POLI: variants seen among roughly 807,000 people sequenced by gnomAD.
POLI encodes the protein RAD30 homolog B.
In POLI, 58 loss-of-function variants were observed where a neutral mutation model predicts 51.6. The observed-to-expected ratio is 1.12, with a 90% confidence interval of 0.91 to 1.40. The LOEUF is 1.40. POLI is among the 40% of genes most tolerant of loss of function. The pLI is 0.00. For missense variants in POLI, 921 were observed against 871.3 expected (o/e 1.06, Z -0.72); for synonymous variants, 322 against 299.7 (o/e 1.07, Z -0.77).
intron 6 of POLI, 199 bp from the exon 7 acceptor site, chr18:54,283,723 A>G: frequency 3.0e-6 from 1 of 336,864 alleles, no homozygotes; most frequent in Non-Finnish European, 5.5e-6. Context: ...ATACAGTAAT[A>G]TTTTATATTA....
In POLI at chr18:54,280,758, G is replaced by A; in HGVS notation, c.651G>A (p.Gly217=). Residue 217 remains glycine (G), a synonymous_variant, in exon 5 of 10, where the codon GGG becomes GGA. Transcript: ENST00000579534. The part of the protein sequence containing the change: ...EMREAMYNQL[G]LTGCAGVASN... The stretch of plus-strand genomic sequence containing the variant: ...GGGAAGCCATGTATAATCAGTTGGG[G>A]CTCACTGGCTGTGCTGGAGTGGCTT... 3 of 1,613,740 alleles carry A rather than the reference G, an allele frequency of 1.9e-6. No homozygotes were observed. The highest frequency in any genetic ancestry group is 2.5e-6 in the Non-Finnish European group (3 of 1,179,688).
Position 54,297,330 on chromosome 18 carries a change from T to A in POLI, c.*2863T>A. 1.0e-6 allele frequency: 1 copy of A among 978,150 alleles called. No individual in the cohort carries two copies. Among genetic ancestry groups the A allele is most frequent in the Non-Finnish European group, 1.2e-6 (1 of 823,956 alleles). 60.6% of individuals were successfully genotyped at this position (978,150 alleles called of 1,614,324 possible). A position where few individuals can be genotyped will look rare whatever the true frequency, so the allele number is the denominator to read the frequency against. Reference sequence around the variant, plus strand: ...CTGTTTCTGTCTTGAATGTAGAGGGTATTTTTATTTTTATTTTTTCTGTTT... The same window carrying A: ...CTGTTTCTGTCTTGAATGTAGAGGGAATTTTTATTTTTATTTTTTCTGTTT... On this transcript the variant is annotated 3_prime_UTR_variant, in exon 10 of 10. Coordinates refer to ENST00000579534, the MANE Select transcript of POLI (RefSeq NM_007195.3).
chr18:54,269,619 G>C lies in POLI; in HGVS notation c.73G>C (p.Ala25Pro). 6.6e-7 allele frequency: 1 copy of C among 1,511,648 alleles called. No homozygotes were observed. The highest frequency in any genetic ancestry group is 8.8e-7 in the Non-Finnish European group (1 of 1,132,670). The allele number at this position is 1,511,648 out of a possible 1,614,324, so 93.6% of individuals were successfully genotyped here. The change falls in exon 1 of 10, where the codon GCC becomes CCC. Residue 25 changes from alanine to proline, a missense_variant. Physicochemically the swap from Ala to Pro is conservative, Grantham distance 27. Transcript: ENST00000579534. ...CGACGAGGAAGACGCCGAGGCCTGG[G>C]CCATGGAACTGGCGGACGTGGGGGC... is the stretch of plus-strand genomic sequence containing the variant. ...DDDEEDAEAW[A>P]MELADVGAAA... is the part of the protein sequence containing the mutation.
chr18:54,276,982 A>G (rs2087272905), intron 3 of POLI, among the ~76,000 whole-genome samples: 1 of 152,234 alleles, frequency 6.6e-6, no homozygotes, highest in South Asian at 2.1e-4. Context: ...AACTTTCTCA[A>G]TGATTTTAAA....
At position 54,293,664 on chromosome 18, in the gene POLI, C is replaced by G. The variant is rs1201113809; in HGVS notation, c.1420C>G (p.His474Asp). The G allele has an allele frequency of 6.4e-7, 1 of 1,573,168 alleles. No individual in the cohort carries two copies. Among genetic ancestry groups the G allele is most frequent in the African/African-American group, 1.4e-5 (1 of 72,854 alleles). The change falls in exon 10 of 10, where the codon CAT (histidine) becomes GAT (aspartate). Residue 474 changes from histidine (H) to aspartate (D), a missense_variant. Coordinates refer to ENST00000579534, the MANE Select transcript of POLI (RefSeq NM_007195.3). ...GKHSFKMKDT[H>D]MEDFPKDKET... Reference sequence around the variant, plus strand: ...TGTGTTCTAGAAAATGAAAGACACTCATATGGAAGATTTTCCCAAAGACAA... The same window carrying G: ...TGTGTTCTAGAAAATGAAAGACACTGATATGGAAGATTTTCCCAAAGACAA...
In POLI at chr18:54,294,787, A is replaced by G; in HGVS notation, c.*320A>G. 1 of 989,794 alleles carries G rather than the reference A, an allele frequency of 1.0e-6. No homozygotes were observed. Among genetic ancestry groups the G allele is most frequent in the Non-Finnish European group, 1.2e-6 (1 of 830,386 alleles). 61.3% of individuals were successfully genotyped at this position (989,794 alleles called of 1,614,324 possible). Reference sequence around the variant, plus strand: ...ATGTTTATATATAAAAAATAGCCAAATCGTTGCAATGATATGGTAAAGGAC... The same window carrying G: ...ATGTTTATATATAAAAAATAGCCAAGTCGTTGCAATGATATGGTAAAGGAC... On this transcript the variant is annotated 3_prime_UTR_variant, in exon 10 of 10. Coordinates refer to ENST00000579534, the MANE Select transcript of POLI (RefSeq NM_007195.3).
At chr18:54,286,111 A>G (rs1363140525) in intron 7 of POLI, among the ~76,000 whole-genome samples, 2 of 152,114 alleles carry the variant, frequency 1.3e-5, no homozygotes, top group Non-Finnish European at 2.9e-5. Flanking sequence ...TGATCCTCCC[A>G]CCTCAACTTC....
intron 1 of POLI, chr18:54,270,483 G>A: frequency 6.6e-6 from 1 of 152,060 alleles, no homozygotes; most frequent in South Asian, 2.1e-4. Flanking sequence ...GGAACTTTAG[G>A]TTTACCTGAA....
At chr18:54,273,313 C>T (rs1323906636) in intron 2 of POLI, among the ~76,000 whole-genome samples, 1 of 150,162 alleles carries the variant, frequency 6.7e-6, no homozygotes, top group Admixed American at 6.6e-5. Context: ...TTTATATTAG[C>T]AAGTTACGGA....
chr18:54,294,365 C>A lies in POLI; in HGVS notation c.2121C>A (p.Asp707Glu). Residue 707 changes from aspartate to glutamate, a missense_variant, in exon 10 of 10, where the codon GAC (aspartate) becomes GAA (glutamate). Asp to Glu is a conservative substitution (Grantham distance 45, BLOSUM62 2). Transcript: ENST00000579534. ...SVDEKITFPS[D>E]IDPQVFYELP... ...ATGAGAAAATTACTTTCCCTTCTGACATTGATCCTCAAGTTTTCTATGAAC... is the reference window on the plus strand; with the variant it reads ...ATGAGAAAATTACTTTCCCTTCTGAAATTGATCCTCAAGTTTTCTATGAAC... 6.2e-7 allele frequency: 1 copy of A among 1,613,576 alleles called. No homozygotes were observed. Among genetic ancestry groups the A allele is most frequent in the Non-Finnish European group, 8.5e-7 (1 of 1,179,670 alleles).
chr18:54,272,100 A>T (rs1284800439), intron 2 of POLI: 3 of 152,228 alleles, frequency 2.0e-5, no homozygotes, highest in Non-Finnish European at 2.9e-5. Flanking sequence ...TGCAGGAAAG[A>T]TTCCTCTTTT....
Position 54,271,351 on chromosome 18 carries a change from A to G in POLI, c.116-9A>G. 6.3e-7 allele frequency: 1 copy of G among 1,595,088 alleles called. No individual in the cohort carries two copies. Among genetic ancestry groups the G allele is most frequent in the Non-Finnish European group, 8.5e-7 (1 of 1,172,508 alleles). ...TGAATTTCTTTTTATTTCTTTGCAT[A>G]TTGTGCAGGAGTTCATGATCAAGTG... is the stretch of plus-strand genomic sequence containing the variant. On this transcript the variant is annotated splice_polypyrimidine_tract_variant and intron_variant, in intron 1 of 9. Transcript: ENST00000579534.
chr18:54,275,736 G>A (rs970252543), intron 3 of POLI, among the ~76,000 whole-genome samples: 4 of 151,856 alleles, frequency 2.6e-5, no homozygotes, highest in African/African-American at 7.3e-5. Flanking sequence ...TTCTGTTAAC[G>A]TATTCACTTG....
At chr18:54,308,125 T>C (rs936845005) in intron 3 of POLI, among the ~76,000 whole-genome samples, 4 of 152,186 alleles carry the variant, frequency 2.6e-5, no homozygotes, top group Admixed American at 2.6e-4. Context: ...CCTGTTATTA[T>C]GATGTTAGCT....
chr18:54,305,795 G>A (rs886475265), intron 3 of POLI, among the ~76,000 whole-genome samples: 5 of 151,856 alleles, frequency 3.3e-5, no homozygotes, highest in African/African-American at 1.2e-4. Flanking sequence ...GTCTCGCTCT[G>A]TCACCCAGGC....
intron 2 of POLI, among the ~76,000 whole-genome samples, chr18:54,272,407 A>G (rs773026659): frequency 9.2e-5 from 14 of 152,184 alleles, no homozygotes; most frequent in Non-Finnish European, 1.9e-4. Context: ...ATGAATGATT[A>G]TTGGGAAGTG....
intron 8 of POLI, among the ~76,000 whole-genome samples, chr18:54,288,190 A>G (rs2087833372): frequency 6.6e-6 from 1 of 152,130 alleles, no homozygotes; most frequent in African/African-American, 2.4e-5. Context: ...TTTCGCCAAT[A>G]TTTGTATTAT....
chr18:54,292,047 ACT>A lies in POLI; in HGVS notation c.1404+12_1404+13del, dbSNP rs3730809. On this transcript the variant is annotated intron_variant, in intron 9 of 9. Transcript: ENST00000579534. ...CTGGCAAGCACAGTTTTGTAAGTAC[ACT>A]CTTTTTTGTTCAGTTTTCTAAGTAT... The A allele has an allele frequency of 0.06, 92,567 of 1,549,518 alleles. 3,145 individuals carry two copies. The highest frequency in any genetic ancestry group is 0.088 in the African/African-American group (6,436 of 73,402).
At chr18:54,305,161 G>A (rs1259534898) in intron 3 of POLI, among the ~76,000 whole-genome samples, 1 of 152,176 alleles carries the variant, frequency 6.6e-6, no homozygotes, top group Non-Finnish European at 1.5e-5. Flanking sequence ...TTTGGTTACT[G>A]TAGCCTTGTA....
Sources: gnomAD v4.1 joint callset for allele counts (sites outside exome capture counted in the v4.1 genomes callset) on GRCh38, gnomAD v4.1.1 for gene constraint, MANE v1.5 for transcripts, NCBI Gene and HGNC (gene_info 2026-07-23, HGNC 2026-07-21) for gene names.